RHOBTB3: variants seen among roughly 807,000 people sequenced by gnomAD.
The protein encoded by RHOBTB3 is Rho related BTB domain containing 3.
Under a neutral mutation model 67.2 loss-of-function variants are expected in RHOBTB3, and 47 were observed. The observed-to-expected ratio is 0.70, with a 90% CI of 0.55 to 0.89. The LOEUF (loss-of-function observed/expected upper bound fraction) is 0.89, where lower values mean the gene tolerates loss of function less well. RHOBTB3 is among the 40% of genes least tolerant of loss of function. The pLI is 0.00. For synonymous variants in RHOBTB3, 273 were observed against 274.2 expected (o/e 1.00, Z 0.04); for missense variants, 631 against 750.0 (o/e 0.84, Z 1.85).
chr5:95,784,084 T>A, intron 10 of RHOBTB3, 121 bp downstream of exon 10: 2 of 795,606 alleles, frequency 2.5e-6, no homozygotes, highest in Non-Finnish European at 3.7e-6. Flanking sequence ...GAAGTTTGGC[T>A]AATGAGGCTA....
chr5:95,791,393 C>T (rs1169443088), intron 11 of RHOBTB3, among the ~76,000 whole-genome samples: 2 of 152,062 alleles, frequency 1.3e-5, no homozygotes, highest in African/African-American at 2.4e-5. Context: ...TAATTTAGCT[C>T]GATATTATGT....
At chr5:95,732,107 C>T in intron 2 of RHOBTB3, 23 bp downstream of exon 2, 2 of 1,602,418 alleles carry the variant, frequency 1.2e-6, no homozygotes, top group South Asian at 1.1e-5. Context: ...AGCTGCTCCG[C>T]GCTGAGGCTG....
chr5:95,755,369 T>C, intron 5 of RHOBTB3, 27 bp from the exon 6 acceptor site: 1 of 1,464,394 alleles, frequency 6.8e-7, no homozygotes, highest in Non-Finnish European at 9.0e-7. Context: ...AAGGAGTTTA[T>C]TATTTTTATT....
Position 95,763,528 on chromosome 5 carries a change from T to A in RHOBTB3, c.1069T>A (p.Leu357Met). Residue 357 changes from leucine to methionine, a missense_variant, in exon 7 of 12, where the codon TTG becomes ATG. Physicochemically the swap from Leu to Met is conservative, Grantham distance 15 (BLOSUM62 2). Coordinates refer to ENST00000379982, the MANE Select transcript of RHOBTB3 (RefSeq NM_014899.4). ...TACAGGTGCTTTTCAGTGGGAAGAA[T>A]TGGAAGAAGATATCAGGAAGAAGTT... ...IYSGAFQWEE[L>M]EEDIRKKLKD... 1 of 1,611,154 alleles carries A rather than the reference T, an allele frequency of 6.2e-7. No individual in the cohort carries two copies. Among genetic ancestry groups the A allele is most frequent in the Non-Finnish European group, 8.5e-7 (1 of 1,177,912 alleles).
chr5:95,752,744 A>G (rs1714489914), intron 5 of RHOBTB3, among the ~76,000 whole-genome samples: 1 of 152,186 alleles, frequency 6.6e-6, no homozygotes, highest in South Asian at 2.1e-4. Flanking sequence ...CGGACTGGAA[A>G]TTAGATTATA....
intron 8 of RHOBTB3, chr5:95,769,890 T>C: frequency 6.0e-6 from 2 of 335,406 alleles, no homozygotes; most frequent in South Asian, 5.6e-5. Flanking sequence ...TCTATGAACC[T>C]TCCTTTTGAA....
chr5:95,768,016 C>G (rs1048568816), intron 7 of RHOBTB3, 30 bp from the exon 8 acceptor site: 1 of 1,606,506 alleles, frequency 6.2e-7, no homozygotes, highest in African/African-American at 1.3e-5. Flanking sequence ...GTTAAACAAC[C>G]TTTCCCTGTA....
At position 95,794,777 on chromosome 5, in the gene RHOBTB3, G is replaced by T. The variant is rs780364587; in HGVS notation, c.*1603G>T. On this transcript the variant is annotated 3_prime_UTR_variant, in exon 12 of 12. Coordinates refer to ENST00000379982, the MANE Select transcript of RHOBTB3 (RefSeq NM_014899.4). ...TAGTATAATATTGGGACCCCATACC[G>T]TTAGCCCTTGTATGTATACCAACAC... is the stretch of plus-strand genomic sequence containing the variant. 3.9e-5 allele frequency: 6 copies of T among 152,194 alleles called. No homozygotes were observed. The East Asian group carries it at 5.8e-4, about 15-fold the overall frequency. The allele number at this position is 152,194 out of a possible 1,614,324, so 9.4% of individuals were successfully genotyped here. A position where few individuals can be genotyped will look rare whatever the true frequency, so the allele number is the denominator to read the frequency against.
chr5:95,723,195 G>A (rs1381407833), intron 1 of RHOBTB3, among the ~76,000 whole-genome samples: 1 of 151,634 alleles, frequency 6.6e-6, no homozygotes, highest in Non-Finnish European at 1.5e-5. Context: ...AAAAAAAAAA[G>A]ATAGCAAAAA....
upstream of RHOBTB3, among the ~76,000 whole-genome samples, chr5:95,729,589 G>A (rs185310165): frequency 1.1e-4 from 16 of 152,138 alleles, no homozygotes; most frequent in African/African-American, 3.4e-4. Flanking sequence ...AGTATAGTAC[G>A]AACTATATAT....
intron 8 of RHOBTB3, chr5:95,770,633 T>C: frequency 2.0e-6 from 1 of 490,610 alleles, no homozygotes; most frequent in Non-Finnish European, 4.1e-6. Context: ...ACAGCAGAAG[T>C]CACAGAAATT....
intron 11 of RHOBTB3, 23 bp from the exon 12 acceptor site, chr5:95,793,036 C>CA (rs1244494426): frequency 6.7e-7 from 1 of 1,486,392 alleles, no homozygotes; most frequent in Admixed American, 1.7e-5. Context: ...ATTCGGTTAA[C>CA]AGTCTTTTTC....
chr5:95,730,135 T>C (rs1451192634), upstream of RHOBTB3, among the ~76,000 whole-genome samples: 1 of 151,890 alleles, frequency 6.6e-6, no homozygotes, highest in African/African-American at 2.4e-5. Context: ...ATATCCTCTC[T>C]GAGCACGAGA....
chr5:95,723,674 G>A (rs1031291434), intron 1 of RHOBTB3, among the ~76,000 whole-genome samples: 29 of 152,058 alleles, frequency 1.9e-4, no homozygotes, highest in African/African-American at 5.6e-4. Context: ...TGATTTCTAG[G>A]CAAGTGAGTC....
chr5:95,737,726 T>C (rs1175045273), intron 3 of RHOBTB3, among the ~76,000 whole-genome samples: 2 of 152,238 alleles, frequency 1.3e-5, no homozygotes, highest in Non-Finnish European at 2.9e-5. Flanking sequence ...AACTTTTAAA[T>C]TGAGGTATTG....
chr5:95,772,834 T>A (rs142962707), intron 8 of RHOBTB3, among the ~76,000 whole-genome samples: 25 of 152,324 alleles, frequency 1.6e-4, no homozygotes, highest in African/African-American at 5.8e-4. Context: ...AGACTTTGCC[T>A]TGTAATAAAC....
In RHOBTB3 at chr5:95,785,681, G is replaced by A. The variant is rs553852832; in HGVS notation, c.1623+1718G>A. On this transcript the variant is annotated intron_variant, in intron 10 of 11. Coordinates refer to ENST00000379982, the MANE Select transcript of RHOBTB3 (RefSeq NM_014899.4). ...GATAAATAGCTCCCCTCTAAATTTA[G>A]TTTACAATTTTTAAAATTCTTTCTA... Among the ~76,000 whole-genome samples the A allele has an allele frequency of 3.9e-5, 6 of 151,932 alleles. No homozygotes were observed. The South Asian group carries it at 1.2e-3, about 32-fold the overall frequency.
intron 6 of RHOBTB3, 111 bp downstream of exon 6, chr5:95,755,872 T>C (rs1164983615): frequency 4.0e-6 from 4 of 992,278 alleles, no homozygotes; most frequent in African/African-American, 3.2e-5. Flanking sequence ...TTACCTACCA[T>C]CTGAGATTAA....
intron 8 of RHOBTB3, among the ~76,000 whole-genome samples, chr5:95,772,483 C>T (rs1745745454): frequency 1.3e-5 from 2 of 152,072 alleles, no homozygotes; most frequent in Non-Finnish European, 2.9e-5. Context: ...AGACCTTTGT[C>T]TGCTCTTTTT....
Sources: allele counts gnomAD v4.1 joint callset (sites outside exome capture counted in the v4.1 genomes callset), GRCh38; gene constraint gnomAD v4.1.1; transcripts MANE v1.5; gene names NCBI Gene and HGNC (gene_info 2026-07-23, HGNC 2026-07-21).